The following USP14 variants were observed in gnomAD, a reference collection of about 807,000 sequenced individuals.
The protein encoded by USP14 is ubiquitin carboxyl-terminal hydrolase 14.
A neutral mutation model predicts 76.5 loss-of-function variants in USP14; 38 were observed. The ratio of observed to expected loss-of-function variants is 0.50; its 90% CI spans 0.38 to 0.65. USP14 has a LOEUF of 0.65. Among genes scored for constraint, USP14 ranks in the 30% least tolerant of loss-of-function variants. The pLI is 0.00. For synonymous variants in USP14, 192 were observed against 191.7 expected, an observed-to-expected ratio of 1.00 and a Z score of -0.01; for missense variants, 467 against 586.5, an observed-to-expected ratio of 0.80 and a Z score of 2.10.
chr18:200,685 T>C (rs1442361070), intron 10 of USP14, among the ~76,000 whole-genome samples: 1 of 152,250 alleles, frequency 6.6e-6, no homozygotes, highest in African/African-American at 2.4e-5. Context: ...TATGTATATC[T>C]CTCGAAGGAT....
rs190062299 is a variant in USP14 at position 209,355 on chromosome 18, T to C, written c.1165-616T>C. Among the ~76,000 whole-genome samples the C allele has an allele frequency of 3.5e-4, 53 of 152,336 alleles. 1 individual carries two copies. The East Asian group carries it at 9.3e-3, about 27-fold the overall frequency. The stretch of plus-strand genomic sequence containing the variant: ...GCTGGCATTGTCTTCATTACCATTA[T>C]AGTTTTAAAGAACTTTGTGCTGTAT... On this transcript the variant is annotated intron_variant, in intron 13 of 15. Coordinates refer to ENST00000261601, the MANE Select transcript of USP14 (RefSeq NM_005151.4).
chr18:177,942 GTAT>G (rs1488115043), intron 3 of USP14, among the ~76,000 whole-genome samples: 1 of 152,088 alleles, frequency 6.6e-6, no homozygotes, highest in Non-Finnish European at 1.5e-5. Flanking sequence ...AAAAATATTT[GTAT>G]TTAAATGTAA....
chr18:180,864 G>A (rs1470321140), intron 5 of USP14, among the ~76,000 whole-genome samples: 3 of 146,126 alleles, frequency 2.1e-5, no homozygotes, highest in Non-Finnish European at 3.1e-5. Flanking sequence ...GTTCATTCAC[G>A]TTACAGCACA....
intron 13 of USP14, among the ~76,000 whole-genome samples, chr18:208,520 T>TA (rs1910587790): frequency 6.6e-6 from 1 of 152,166 alleles, no homozygotes; most frequent in South Asian, 2.1e-4. Flanking sequence ...TGCCTTGTGA[T>TA]ATAAATTTCC....
chr18:211,110 A>T (rs764608623), intron 15 of USP14, 23 bp from the exon 16 acceptor site: 2 of 1,603,082 alleles, frequency 1.2e-6, no homozygotes, highest in East Asian at 2.2e-5. Flanking sequence ...ACATTAATTC[A>T]TCTTCTTGTC....
At chr18:161,079 C>T (rs1909106553) in intron 1 of USP14, among the ~76,000 whole-genome samples, 1 of 152,194 alleles carries the variant, frequency 6.6e-6, no homozygotes, top group Non-Finnish European at 1.5e-5. Context: ...AGGCGCCTGC[C>T]ACCATGCCTA....
intron 5 of USP14, among the ~76,000 whole-genome samples, chr18:190,467 C>G (rs1355623140): frequency 6.6e-6 from 1 of 152,116 alleles, no homozygotes; most frequent in Non-Finnish European, 1.5e-5. Context: ...CATCCACCCC[C>G]AAGAGTTTAA....
At chr18:194,233 T>C (rs893634189) in intron 6 of USP14, among the ~76,000 whole-genome samples, 1 of 152,242 alleles carries the variant, frequency 6.6e-6, no homozygotes, top group Non-Finnish European at 1.5e-5. Flanking sequence ...TAACTTTTTT[T>C]CCTAAAGTAG....
At chr18:166,277 T>C (rs485211) in intron 2 of USP14, among the ~76,000 whole-genome samples, 25,521 of 152,278 alleles carry the variant, frequency 0.17, 2,421 homozygotes, top group Non-Finnish European at 0.23. Context: ...TGTTACCTTA[T>C]GCAGTTGAAG....
intron 10 of USP14, among the ~76,000 whole-genome samples, chr18:200,529 T>C (rs922825324): frequency 2.6e-5 from 4 of 152,180 alleles, no homozygotes; most frequent in Non-Finnish European, 5.9e-5. Context: ...ACTTGCTTCT[T>C]TCATTATTCA....
At position 202,447 on chromosome 18, in the gene USP14, A is replaced by G. The variant is rs1910408390; in HGVS notation, c.877-433A>G. On this transcript the variant is annotated intron_variant, in intron 10 of 15. Coordinates refer to ENST00000261601, the MANE Select transcript of USP14 (RefSeq NM_005151.4). ...GTTATGACTTTTTTCAAATTTAACAATAATTCATTGGTGCTGATTGGCTTT... is the reference window on the plus strand; with the variant it reads ...GTTATGACTTTTTTCAAATTTAACAGTAATTCATTGGTGCTGATTGGCTTT... Among the ~76,000 whole-genome samples the G allele has an allele frequency of 2.6e-5, 4 of 152,362 alleles. No homozygotes were observed. In the South Asian group the frequency reaches 6.2e-4, roughly 24 times the overall value.
At chr18:199,381 A>C in intron 10 of USP14, 65 bp downstream of exon 10, 1 of 1,149,304 alleles carries the variant, frequency 8.7e-7, no homozygotes, top group Non-Finnish European at 1.3e-6. Context: ...AGCCAAAGTC[A>C]TTATTCACTG....
chr18:190,126 A>G (rs913973569), intron 5 of USP14, among the ~76,000 whole-genome samples: 1 of 152,160 alleles, frequency 6.6e-6, no homozygotes, highest in Non-Finnish European at 1.5e-5. Context: ...GTTCGTTTAT[A>G]TTCATGCTAT....
chr18:196,400 T>C (rs979565112), intron 6 of USP14: 1 of 303,578 alleles, frequency 3.3e-6, no homozygotes. Context: ...GGCGTGTGCC[T>C]GTAATCCCAG....
intron 9 of USP14, 39 bp downstream of exon 9, chr18:198,171 T>G: frequency 6.7e-7 from 1 of 1,493,216 alleles, no homozygotes; most frequent in South Asian, 1.3e-5. Context: ...TACTCATACC[T>G]TATTAGAATT....
intron 4 of USP14, among the ~76,000 whole-genome samples, chr18:179,540 G>A (rs1180644561): frequency 6.8e-6 from 1 of 146,506 alleles, no homozygotes; most frequent in African/African-American, 2.5e-5. Flanking sequence ...TTAACACCTA[G>A]CATTTATTTA....
In USP14 at chr18:209,759, G is replaced by T. The variant is rs143841401; in HGVS notation, c.1165-212G>T. ...CATCACATTCAGGGTGTCTGTTACTGTACTGTAACAAGATTTTATATTGTT... is the reference window on the plus strand; with the variant it reads ...CATCACATTCAGGGTGTCTGTTACTTTACTGTAACAAGATTTTATATTGTT... On this transcript the variant is annotated intron_variant, in intron 13 of 15. Coordinates refer to ENST00000261601, the MANE Select transcript of USP14 (RefSeq NM_005151.4). Among the ~76,000 whole-genome samples, 66 of 152,208 alleles carry T rather than the reference G, an allele frequency of 4.3e-4. 1 individual carries two copies. The East Asian group carries it at 0.011, about 25-fold the overall frequency.
chr18:165,442 T>A (rs1909242700), intron 2 of USP14, among the ~76,000 whole-genome samples: 1 of 152,210 alleles, frequency 6.6e-6, no homozygotes, highest in African/African-American at 2.4e-5. Context: ...GTGAACTTCA[T>A]AGCCTAATCT....
rs940235458 is a variant in USP14, at chr18:213,156, C to CT, written c.*1878dup. On this transcript the variant is annotated 3_prime_UTR_variant, in exon 16 of 16. Transcript: ENST00000261601. Reference sequence around the variant, plus strand: ...TATGATGCTTGTAACTTTGCAAAGTCTTTTTTATTCATTGTCTCATTTGGT... The same window carrying CT: ...TATGATGCTTGTAACTTTGCAAAGTCTTTTTTTATTCATTGTCTCATTTGGT... 2.6e-5 allele frequency: 4 copies of CT among 151,982 alleles called. No individual in the cohort carries two copies. Among genetic ancestry groups the CT allele is most frequent in the East Asian group, 1.9e-4 (1 of 5,182 alleles). 9.4% of individuals were successfully genotyped at this position (151,982 alleles called of 1,614,324 possible).
Sources: allele counts gnomAD v4.1 joint callset (sites outside exome capture counted in the v4.1 genomes callset), GRCh38; gene constraint gnomAD v4.1.1; transcripts MANE v1.5; gene names NCBI Gene and HGNC (gene_info 2026-07-23, HGNC 2026-07-21).